The following IPO11 variants were observed in gnomAD, a reference collection of about 807,000 sequenced individuals.
IPO11 encodes importin 11.
Under a neutral mutation model 143.2 loss-of-function variants are expected in IPO11, and 66 were observed. The ratio of observed to expected loss-of-function variants is 0.46; its 90% confidence interval spans 0.38 to 0.57. The LOEUF is 0.57. IPO11 is among the 20% of genes least tolerant of loss of function. The pLI, the probability that IPO11 is intolerant of heterozygous loss-of-function variation, is 0.00. For missense variants in IPO11, 1,026 were observed against 1,141.0 expected (o/e 0.90, Z 1.45); for synonymous variants, 385 against 377.8 (o/e 1.02, Z -0.22).
chr5:62,598,391 G>GCTTTCTTTCTTTCTTT (rs1214176867), intron 28 of IPO11, among the ~76,000 whole-genome samples: 1 of 36,504 alleles, frequency 2.7e-5, no homozygotes, highest in Non-Finnish European at 4.4e-5. Flanking sequence ...TTGCTTGCTT[G>GCTTTCTTTCTTTCTTT]CTTTCTTTCT....
At chr5:62,513,568 G>T (rs1741873234) in intron 19 of IPO11, among the ~76,000 whole-genome samples, 1 of 147,174 alleles carries the variant, frequency 6.8e-6, no homozygotes, top group East Asian at 2.1e-4. Context: ...CTCCCGGACG[G>T]GGCGGCTGGC....
At chr5:62,618,229 C>T (rs1329511861) in intron 29 of IPO11, among the ~76,000 whole-genome samples, 1 of 151,948 alleles carries the variant, frequency 6.6e-6, no homozygotes, top group Non-Finnish European at 1.5e-5. Flanking sequence ...GTTTTTTAAA[C>T]AGTATTTTAA....
intron 1 of IPO11, among the ~76,000 whole-genome samples, chr5:62,417,820 G>A (rs1415365607): frequency 6.6e-6 from 1 of 152,118 alleles, no homozygotes; most frequent in Admixed American, 6.5e-5. Flanking sequence ...TGTCAAAAAC[G>A]TTGTGTATTT....
At chr5:62,484,586 C>A in intron 11 of IPO11, among the ~76,000 whole-genome samples, 1 of 110,446 alleles carries the variant, frequency 9.1e-6, no homozygotes, top group East Asian at 2.6e-4. Flanking sequence ...ATCTTTATAT[C>A]TGTTTGAATT....
At chr5:62,448,947 T>C (rs1238481791) in intron 3 of IPO11, among the ~76,000 whole-genome samples, 1 of 152,202 alleles carries the variant, frequency 6.6e-6, no homozygotes, top group South Asian at 2.1e-4. Flanking sequence ...TGTTGTTGTG[T>C]GCTTTAATTT....
In IPO11 at chr5:62,585,454, C is replaced by T. The variant is rs188596490; in HGVS notation, c.2583-6123C>T. 9.0e-4 allele frequency among the ~76,000 whole-genome samples: 137 copies of T among 152,156 alleles called. 1 individual carries two copies. The highest frequency in any genetic ancestry group is 8.4e-3 in the Admixed American group (128 of 15,280). On this transcript the variant is annotated intron_variant, in intron 27 of 29. Transcript: ENST00000325324. ...AGATGGAAAGCCCCCTGTGAAAGCC[C>T]GGAAACTAGAAAGTGTTAATCAAAG...
chr5:62,470,318 C>T lies in IPO11; in HGVS notation c.708+10C>T, dbSNP rs117679224. On this transcript the variant is annotated intron_variant, in intron 7 of 29. Transcript: ENST00000325324. The stretch of plus-strand genomic sequence containing the variant: ...GAATATGGAGGTGATGGTAAGTGAT[C>T]GAAGAAATTTGCTGTGACTTTGGGA... 2,740 of 1,611,942 alleles carry T rather than the reference C, an allele frequency of 1.7e-3. 47 individuals are homozygous for T. In the East Asian group the frequency reaches 0.042, roughly 25 times the overall value.
At chr5:62,479,335 C>T (rs905346324) in intron 9 of IPO11, among the ~76,000 whole-genome samples, 5 of 152,148 alleles carry the variant, frequency 3.3e-5, no homozygotes, top group African/African-American at 1.2e-4. Context: ...TCCAGTCTAT[C>T]GTTGATGGAC....
At chr5:62,473,431 G>C (rs1169455687) in intron 7 of IPO11, among the ~76,000 whole-genome samples, 2 of 152,174 alleles carry the variant, frequency 1.3e-5, no homozygotes, top group African/African-American at 2.4e-5. Flanking sequence ...TTGAGAGTCT[G>C]AGAGCAGTAC....
chr5:62,548,853 C>T (rs1024940002), intron 24 of IPO11, among the ~76,000 whole-genome samples: 8 of 152,140 alleles, frequency 5.3e-5, no homozygotes, highest in African/African-American at 1.7e-4. Flanking sequence ...GTGTTTGTTT[C>T]TCATTCCTCT....
intron 2 of IPO11, among the ~76,000 whole-genome samples, chr5:62,439,738 T>A (rs1744393609): frequency 6.6e-6 from 1 of 152,160 alleles, no homozygotes; most frequent in African/African-American, 2.4e-5. Flanking sequence ...AACATTTCTT[T>A]TAGATGGAAC....
At chr5:62,582,974 C>A (rs1475793292) in intron 27 of IPO11, among the ~76,000 whole-genome samples, 2 of 152,020 alleles carry the variant, frequency 1.3e-5, no homozygotes, top group African/African-American at 4.8e-5. Flanking sequence ...ATAAATAAAG[C>A]CCCACCAACC....
chr5:62,577,491 G>GA (rs1744358638), intron 27 of IPO11, among the ~76,000 whole-genome samples: 2 of 151,870 alleles, frequency 1.3e-5, no homozygotes, highest in Non-Finnish European at 2.9e-5. Context: ...CCAAGAAATT[G>GA]AAAAATCCAT....
chr5:62,481,428 T>C (rs570476356), intron 9 of IPO11, among the ~76,000 whole-genome samples: 148 of 152,276 alleles, frequency 9.7e-4, no homozygotes, highest in African/African-American at 3.4e-3. Context: ...TTTTGAGATA[T>C]GTCCCATCAA....
At position 62,526,186 on chromosome 5, in the gene IPO11, A is replaced by G. The variant is rs1472633071; in HGVS notation, c.1941A>G (p.Pro647=). 1.2e-6 allele frequency: 2 copies of G among 1,613,784 alleles called. No individual in the cohort carries two copies. The highest frequency in any genetic ancestry group is 3.3e-5 in the Admixed American group (2 of 60,004). Residue 647 remains proline (P), a synonymous_variant, in exon 21 of 30, where the codon CCA becomes CCG. Coordinates refer to ENST00000325324, the MANE Select transcript of IPO11 (RefSeq NM_016338.5). The part of the protein sequence containing the change: ...DSKNLYPFLL[P]VIQLSTDVSQ... Reference sequence around the variant, plus strand: ...AGAACCTGTACCCTTTCCTGCTCCCAGTTATTCAACTGAGTACAGATGTTT... The same window carrying G: ...AGAACCTGTACCCTTTCCTGCTCCCGGTTATTCAACTGAGTACAGATGTTT...
intron 2 of IPO11, among the ~76,000 whole-genome samples, chr5:62,440,006 C>T (rs1328743534): frequency 6.6e-6 from 1 of 152,152 alleles, no homozygotes. Context: ...GAGTGAGATC[C>T]ACCAACTTCC....
intron 3 of IPO11, among the ~76,000 whole-genome samples, chr5:62,444,749 A>C (rs1239345604): frequency 1.3e-5 from 2 of 152,066 alleles, no homozygotes; most frequent in African/African-American, 4.8e-5. Flanking sequence ...GATGCCTGTA[A>C]TCCCAGTTGC....
At chr5:62,530,809 C>G in intron 22 of IPO11, 24 bp downstream of exon 22, 1 of 1,555,714 alleles carries the variant, frequency 6.4e-7, no homozygotes, top group South Asian at 1.1e-5. Flanking sequence ...CATAAACTTA[C>G]TAATGTTTTT....
intron 27 of IPO11, among the ~76,000 whole-genome samples, chr5:62,565,660 T>G (rs933615892): frequency 5.3e-5 from 8 of 152,204 alleles, no homozygotes; most frequent in Admixed American, 1.3e-4. Context: ...CATTTTTCTT[T>G]TTTTCATACT....
Sources: allele counts gnomAD v4.1 joint callset (sites outside exome capture counted in the v4.1 genomes callset), GRCh38; gene constraint gnomAD v4.1.1; transcripts MANE v1.5; gene names NCBI Gene and HGNC (gene_info 2026-07-23, HGNC 2026-07-21).